Variants in RNF2 observed in about 807,000 individuals in gnomAD.
RNF2 encodes the protein E3 ubiquitin-protein ligase RING2.
Under a neutral mutation model 37.2 loss-of-function variants are expected in RNF2, and 6 were observed. The ratio of observed to expected loss-of-function variants is 0.16; its 90% CI spans 0.09 to 0.32. RNF2 has a LOEUF of 0.32. RNF2 is among the 10% of genes least tolerant of loss of function. The pLI is 1.00. For missense variants in RNF2, 251 were observed against 404.0 expected (o/e 0.62, Z 3.25); for synonymous variants, 133 against 132.7 (o/e 1.00, Z -0.02).
intron 5 of RNF2, 99 bp from the exon 6 acceptor site, chr1:185,099,692 T>A: frequency 5.2e-6 from 5 of 967,932 alleles, no homozygotes; most frequent in Non-Finnish European, 7.8e-6. Context: ...CATTGCCATT[T>A]TACTTAGTTT....
Position 185,091,650 on chromosome 1 carries a change from T to C in RNF2, c.159T>C (p.Ile53=). The part of the protein sequence containing the change: ...RSLHSELMCP[I]CLDMLKNTMT... ...TACACAGTGAATTAATGTGCCCAAT[T>C]TGTTTGGATATGTTGAAGAACACCA... The change falls in exon 3 of 7, where the codon ATT becomes ATC. Residue 53 remains isoleucine (I), a synonymous_variant. Coordinates refer to ENST00000367510, the MANE Select transcript of RNF2 (RefSeq NM_007212.4). 1 of 1,614,172 alleles carries C rather than the reference T, an allele frequency of 6.2e-7. No individual in the cohort carries two copies. The highest frequency in any genetic ancestry group is 8.5e-7 in the Non-Finnish European group (1 of 1,180,020).
intron 2 of RNF2, among the ~76,000 whole-genome samples, chr1:185,090,042 C>T (rs929094375): frequency 4.6e-5 from 7 of 152,098 alleles, no homozygotes; most frequent in Admixed American, 2.6e-4. Context: ...CTGCTTCAGC[C>T]TCCCAAGTAG....
At chr1:185,047,240 A>T (rs1056852660) in intron 1 of RNF2, among the ~76,000 whole-genome samples, 3 of 152,222 alleles carry the variant, frequency 2.0e-5, no homozygotes, top group Non-Finnish European at 4.4e-5. Context: ...AAATTGCCCG[A>T]GTCAGGCCAA....
intron 2 of RNF2, among the ~76,000 whole-genome samples, chr1:185,091,181 C>T (rs1651755746): frequency 2.0e-5 from 3 of 151,916 alleles, no homozygotes; most frequent in African/African-American, 7.3e-5. Flanking sequence ...TTAATTTAGC[C>T]CTAACTTTCT....
chr1:185,077,475 A>T (rs1365136805), intron 1 of RNF2, among the ~76,000 whole-genome samples: 1 of 152,116 alleles, frequency 6.6e-6, no homozygotes, highest in Non-Finnish European at 1.5e-5. Flanking sequence ...TGAGGTTAAG[A>T]ATGTTTCTAT....
Position 185,101,127 on chromosome 1 carries a change from T to A in RNF2, c.*826T>A, listed in dbSNP as rs1652066485. Reference sequence around the variant, plus strand: ...ATTTCCTGTATTATATGTGATGTTTTTCCCCATTAAAATACCAGAGATAAT... The same window carrying A: ...ATTTCCTGTATTATATGTGATGTTTATCCCCATTAAAATACCAGAGATAAT... On this transcript the variant is annotated 3_prime_UTR_variant, in exon 7 of 7. Transcript: ENST00000367510. 6.6e-6 allele frequency: 1 copy of A among 152,576 alleles called. No individual in the cohort carries two copies. Among genetic ancestry groups the A allele is most frequent in the African/African-American group, 2.4e-5 (1 of 41,454 alleles). 9.5% of individuals were successfully genotyped at this position (152,576 alleles called of 1,614,324 possible). A position where few individuals can be genotyped will look rare whatever the true frequency, so the allele number is the denominator to read the frequency against.
At chr1:185,059,141 G>A (rs1349584859) in intron 1 of RNF2, among the ~76,000 whole-genome samples, 1 of 151,564 alleles carries the variant, frequency 6.6e-6, no homozygotes, top group African/African-American at 2.4e-5. Context: ...GGCCAGAAGA[G>A]AAGAGAGAGA....
intron 1 of RNF2, among the ~76,000 whole-genome samples, chr1:185,076,357 C>T (rs1328959949): frequency 1.6e-5 from 2 of 126,520 alleles, no homozygotes; most frequent in African/African-American, 5.9e-5. Flanking sequence ...GTGGCGCGAT[C>T]TTGGCTCACT....
rs71555455 is a variant in RNF2 at position 185,085,145 on chromosome 1, C to CTTTTTTT, written c.-2-2392_-2-2386dup. ...CCATATTTGACCCTTCTTTCTTTTTCTTTTTTTTTTTTTTTTTTTTTGAGA... is the reference window on the plus strand; with the variant it reads ...CCATATTTGACCCTTCTTTCTTTTTCTTTTTTTTTTTTTTTTTTTTTTTTTTTTGAGA... On this transcript the variant is annotated intron_variant, in intron 1 of 6. Transcript: ENST00000367510. 1.7e-3 allele frequency among the ~76,000 whole-genome samples: 171 copies of CTTTTTTT among 103,182 alleles called. 1 individual carries two copies. Among genetic ancestry groups the CTTTTTTT allele is most frequent in the African/African-American group, 3.5e-3 (88 of 25,102 alleles). The allele number at this position is 103,182 out of a possible 152,430, so 67.7% of individuals were successfully genotyped here.
intron 1 of RNF2, among the ~76,000 whole-genome samples, chr1:185,085,714 C>G (rs754554977): frequency 6.6e-6 from 1 of 151,686 alleles, no homozygotes; most frequent in Non-Finnish European, 1.5e-5. Context: ...AGTGCAATGG[C>G]GCGATCTCAG....
At chr1:185,078,497 C>A (rs146995081) in intron 1 of RNF2, among the ~76,000 whole-genome samples, 57 of 152,256 alleles carry the variant, frequency 3.7e-4, no homozygotes, top group African/African-American at 1.2e-3. Context: ...CTCCTCTTCT[C>A]CCCCTTGATT....
rs748851809 is a variant in RNF2, at chr1:185,100,181, T to C, written c.910-19T>C. ...GGTTTGTGCAGTTTTCATAATTTTTTCTTTCTTTTTTGTTTTAGGTATTAA... is the reference window on the plus strand; with the variant it reads ...GGTTTGTGCAGTTTTCATAATTTTTCCTTTCTTTTTTGTTTTAGGTATTAA... On this transcript the variant is annotated intron_variant, in intron 6 of 6. Coordinates refer to ENST00000367510, the MANE Select transcript of RNF2 (RefSeq NM_007212.4). 1 of 1,517,414 alleles carries C rather than the reference T, an allele frequency of 6.6e-7. No homozygotes were observed. Among genetic ancestry groups the C allele is most frequent in the Non-Finnish European group, 8.9e-7 (1 of 1,118,676 alleles). 94.0% of individuals were successfully genotyped at this position (1,517,414 alleles called of 1,614,324 possible). A position where few individuals can be genotyped will look rare whatever the true frequency, so the allele number is the denominator to read the frequency against.
At position 185,067,708 on chromosome 1, in the gene RNF2, C is replaced by CTTT. The variant is rs753063280; in HGVS notation, c.-2-19826_-2-19824dup. On this transcript the variant is annotated intron_variant, in intron 1 of 6. Coordinates refer to ENST00000367510, the MANE Select transcript of RNF2 (RefSeq NM_007212.4). ...GATAATTAAGTAATTTAAAAGTATC[C>CTTT]TTTTTTTTTTTTTTTTTTTTGAGAC... Among the ~76,000 whole-genome samples, 226 of 121,134 alleles carry CTTT rather than the reference C, an allele frequency of 1.9e-3. 3 individuals are homozygous for CTTT. The highest frequency in any genetic ancestry group is 6.8e-3 in the African/African-American group (210 of 30,848). 79.5% of individuals were successfully genotyped at this position (121,134 alleles called of 152,430 possible).
At chr1:185,093,563 C>A (rs539450826) in intron 4 of RNF2, among the ~76,000 whole-genome samples, 4 of 152,078 alleles carry the variant, frequency 2.6e-5, no homozygotes, top group African/African-American at 9.6e-5. Flanking sequence ...TTTTATGAAC[C>A]CCCTCCAATC....
At chr1:185,076,959 C>T (rs1401470935) in intron 1 of RNF2, among the ~76,000 whole-genome samples, 2 of 152,008 alleles carry the variant, frequency 1.3e-5, no homozygotes, top group East Asian at 1.9e-4. Context: ...CATATGTGTA[C>T]ATTAATTCAG....
intron 4 of RNF2, 60 bp downstream of exon 4, chr1:185,093,336 A>G: frequency 2.0e-6 from 3 of 1,499,918 alleles, no homozygotes; most frequent in East Asian, 2.4e-5. Flanking sequence ...ATTAACAATT[A>G]AATTTACTTT....
At chr1:185,076,102 T>C (rs1651142778) in intron 1 of RNF2, among the ~76,000 whole-genome samples, 1 of 151,760 alleles carries the variant, frequency 6.6e-6, no homozygotes, top group South Asian at 2.1e-4. Context: ...TGCACATATT[T>C]TTTTCCTAGC....
intron 1 of RNF2, among the ~76,000 whole-genome samples, chr1:185,081,865 G>A (rs893159078): frequency 6.6e-6 from 1 of 152,166 alleles, no homozygotes; most frequent in Non-Finnish European, 1.5e-5. Context: ...TAATGGTTTT[G>A]CTGGGATTCA....
intron 1 of RNF2, among the ~76,000 whole-genome samples, chr1:185,049,515 A>G (rs1349099345): frequency 6.6e-6 from 1 of 152,126 alleles, no homozygotes; most frequent in Non-Finnish European, 1.5e-5. Context: ...AATAACCCAA[A>G]TTTTGTTTAC....
Sources: gnomAD v4.1 joint callset for allele counts (sites outside exome capture counted in the v4.1 genomes callset) on GRCh38, gnomAD v4.1.1 for gene constraint, MANE v1.5 for transcripts, NCBI Gene and HGNC (gene_info 2026-07-23, HGNC 2026-07-21) for gene names.